DIS3L2: variants seen among roughly 807,000 people sequenced by gnomAD.
DIS3L2 encodes the protein DIS3-like exonuclease 2.
DIS3L2 carries 34 observed loss-of-function variants against 97.5 expected under a neutral mutation model. The observed-to-expected ratio is 0.35, with a 90% CI of 0.27 to 0.46. DIS3L2 has a LOEUF of 0.46. Ranked by LOEUF, DIS3L2 falls within the 20% of genes least tolerant of loss-of-function variation. The pLI, the probability that DIS3L2 is intolerant of heterozygous loss-of-function variation, is 1.00. For missense variants in DIS3L2, 1,038 were observed against 1,146.0 expected (o/e 0.91, Z 1.36); for synonymous variants, 435 against 445.2 (o/e 0.98, Z 0.29).
At chr2:232,273,263 T>G (rs917543773) in intron 13 of DIS3L2, among the ~76,000 whole-genome samples, 2 of 152,210 alleles carry the variant, frequency 1.3e-5, no homozygotes, top group Non-Finnish European at 2.9e-5. Context: ...TTTGCTTCCC[T>G]GTCTCCTTTT....
intron 16 of DIS3L2, among the ~76,000 whole-genome samples, chr2:232,332,602 A>G (rs1399649312): frequency 1.3e-5 from 2 of 151,914 alleles, no homozygotes; most frequent in East Asian, 3.9e-4. Flanking sequence ...GGGACGGGCT[A>G]TGCGCTGGTC....
At chr2:232,060,710 T>C (rs1440144093) in intron 5 of DIS3L2, among the ~76,000 whole-genome samples, 1 of 152,150 alleles carries the variant, frequency 6.6e-6, no homozygotes, top group East Asian at 1.9e-4. Context: ...TGGTATTTTG[T>C]TAGGTATTGC....
chr2:232,312,209 A>C (rs945560822), intron 14 of DIS3L2, among the ~76,000 whole-genome samples: 1 of 152,122 alleles, frequency 6.6e-6, no homozygotes, highest in African/African-American at 2.4e-5. Context: ...CAGTATGTCG[A>C]TCTTTTTTAT....
intron 12 of DIS3L2, among the ~76,000 whole-genome samples, chr2:232,254,290 T>C (rs1693496465): frequency 6.6e-6 from 1 of 151,954 alleles, no homozygotes. Flanking sequence ...TTTTAAGAGT[T>C]AAGAGGCAAA....
rs913232223 is a variant in DIS3L2 at position 232,093,561 on chromosome 2, T to G, written c.601+5840T>G. Among the ~76,000 whole-genome samples the G allele has an allele frequency of 2.0e-5, 3 of 152,152 alleles. No homozygotes were observed. In the East Asian group the frequency reaches 5.8e-4, roughly 29 times the overall value. ...AGACTTTTTATTACAGCTTCAATCT[T>G]GTTATTTGTTACTGGTCTGTTCAGG... On this transcript the variant is annotated intron_variant, in intron 6 of 20. Coordinates refer to ENST00000325385, the MANE Select transcript of DIS3L2 (RefSeq NM_152383.5).
At chr2:231,979,316 A>G (rs1693184496) in intron 1 of DIS3L2, among the ~76,000 whole-genome samples, 1 of 151,946 alleles carries the variant, frequency 6.6e-6, no homozygotes, top group Non-Finnish European at 1.5e-5. Flanking sequence ...GTGTAGTAGC[A>G]TGATCTCAGC....
At chr2:232,320,242 A>T (rs1371044765) in intron 14 of DIS3L2, among the ~76,000 whole-genome samples, 1 of 152,196 alleles carries the variant, frequency 6.6e-6, no homozygotes, top group African/African-American at 2.4e-5. Flanking sequence ...ACTGTGTGTC[A>T]ATATTTTAAA....
rs1277796466 is a variant in DIS3L2, at chr2:232,329,816, C to T, written c.1743C>T (p.Leu581=). Residue 581 remains leucine (L), a synonymous_variant, in exon 15 of 21, where the codon CTC becomes CTT. Transcript: ENST00000325385. ...HIYEYRESNK[L]VEEFMLLANM... is the part of the protein sequence containing the mutation. ...CCATCCCACCCACCCTCTGCAGGCTCGTGGAGGAGTTCATGCTCTTGGCCA... is the reference window on the plus strand; with the variant it reads ...CCATCCCACCCACCCTCTGCAGGCTTGTGGAGGAGTTCATGCTCTTGGCCA... 7.5e-6 allele frequency: 10 copies of T among 1,324,930 alleles called. No homozygotes were observed. The South Asian group carries it at 9.8e-5, about 13-fold the overall frequency. 82.1% of individuals were successfully genotyped at this position (1,324,930 alleles called of 1,614,324 possible).
intron 4 of DIS3L2, among the ~76,000 whole-genome samples, chr2:232,028,396 G>A (rs571421976): frequency 3.3e-5 from 5 of 152,186 alleles, no homozygotes; most frequent in Non-Finnish European, 7.4e-5. Context: ...GAGATTCAGC[G>A]ACAGATCAGT....
chr2:232,334,658 A>T lies in DIS3L2; in HGVS notation c.2317A>T (p.Met773Leu). The change falls in exon 19 of 21, where the codon ATG becomes TTG. Residue 773 changes from methionine to leucine, a missense_variant. Coordinates refer to ENST00000325385, the MANE Select transcript of DIS3L2 (RefSeq NM_152383.5). Reference sequence around the variant, plus strand: ...GAGTGGCCCCCTGGAGTCAGAAGCCATGGTGATGGGCATCCTGAAGCAAGC... The same window carrying T: ...GAGTGGCCCCCTGGAGTCAGAAGCCTTGGTGATGGGCATCCTGAAGCAAGC... ...KESGPLESEA[M>L]VMGILKQAFD... 6.2e-7 allele frequency: 1 copy of T among 1,610,124 alleles called. No individual in the cohort carries two copies. Among genetic ancestry groups the T allele is most frequent in the Non-Finnish European group, 8.5e-7 (1 of 1,178,520 alleles).
intron 13 of DIS3L2, among the ~76,000 whole-genome samples, chr2:232,291,611 T>C (rs1694600040): frequency 6.6e-6 from 1 of 152,242 alleles, no homozygotes; most frequent in Non-Finnish European, 1.5e-5. Context: ...GGAGAACCCA[T>C]GTTGGTTTGA....
chr2:232,055,696 G>C (rs970500272), intron 5 of DIS3L2, among the ~76,000 whole-genome samples: 7 of 152,192 alleles, frequency 4.6e-5, no homozygotes, highest in Admixed American at 2.0e-4. Flanking sequence ...CAAAGCTGGA[G>C]TTCTTAAACT....
rs1695986164 is a variant in DIS3L2, at chr2:232,337,137, A to AGAT, written c.*511_*513dup. Reference sequence around the variant, plus strand: ...CACGATTCAGAGCTGGCTGCCTGGCAGATGATTGATACTGGAGTCTCATTC... The same window carrying AGAT: ...CACGATTCAGAGCTGGCTGCCTGGCAGATGATGATTGATACTGGAGTCTCATTC... On this transcript the variant is annotated 3_prime_UTR_variant, in exon 21 of 21. Transcript: ENST00000325385. 3.0e-6 allele frequency: 3 copies of AGAT among 1,010,116 alleles called. No individual in the cohort carries two copies. Among genetic ancestry groups the AGAT allele is most frequent in the Non-Finnish European group, 3.5e-6 (3 of 847,302 alleles). The allele number at this position is 1,010,116 out of a possible 1,614,324, so 62.6% of individuals were successfully genotyped here. A position where few individuals can be genotyped will look rare whatever the true frequency, so the allele number is the denominator to read the frequency against.
At chr2:231,982,070 A>C (rs1293659640) in intron 1 of DIS3L2, among the ~76,000 whole-genome samples, 1 of 151,844 alleles carries the variant, frequency 6.6e-6, no homozygotes, top group African/African-American at 2.4e-5. Flanking sequence ...GTTGGTGATA[A>C]ATTTTGTCAT....
At chr2:232,062,583 A>G (rs1262557244) in intron 5 of DIS3L2, among the ~76,000 whole-genome samples, 3 of 152,082 alleles carry the variant, frequency 2.0e-5, no homozygotes, top group Non-Finnish European at 4.4e-5. Context: ...TTCTTTGAAC[A>G]CTTGTTTATT....
chr2:232,097,454 A>C (rs940901784), intron 6 of DIS3L2, among the ~76,000 whole-genome samples: 5 of 152,132 alleles, frequency 3.3e-5, no homozygotes, highest in Non-Finnish European at 7.4e-5. Context: ...TTCAAACCAC[A>C]GGATGCAGTC....
In DIS3L2 at chr2:232,115,746, T is replaced by C. The variant is rs1697687496; in HGVS notation, c.602-14873T>C. On this transcript the variant is annotated intron_variant, in intron 6 of 20. Transcript: ENST00000325385. Reference sequence around the variant, plus strand: ...CTCTCCTGCTGCCTTGTGAAGAAGTTTTGCCTTCCACTGTGATTGTAAGTT... The same window carrying C: ...CTCTCCTGCTGCCTTGTGAAGAAGTCTTGCCTTCCACTGTGATTGTAAGTT... 2.0e-5 allele frequency among the ~76,000 whole-genome samples: 3 copies of C among 152,166 alleles called. 1 individual carries two copies. The South Asian group carries it at 6.2e-4, about 32-fold the overall frequency.
intron 6 of DIS3L2, among the ~76,000 whole-genome samples, chr2:232,129,012 C>T (rs1698147968): frequency 6.6e-6 from 1 of 152,154 alleles, no homozygotes; most frequent in African/African-American, 2.4e-5. Context: ...CATGATTGGG[C>T]CCACTTCTAT....
At chr2:232,158,313 G>GTGTT (rs1559686864) in intron 8 of DIS3L2, among the ~76,000 whole-genome samples, 1 of 141,444 alleles carries the variant, frequency 7.1e-6, no homozygotes, top group African/African-American at 2.7e-5. Context: ...TATCGTGTGT[G>GTGTT]TGTGTGTGTG....
Sources: allele counts gnomAD v4.1 joint callset (sites outside exome capture counted in the v4.1 genomes callset), GRCh38; gene constraint gnomAD v4.1.1; transcripts MANE v1.5; gene names NCBI Gene and HGNC (gene_info 2026-07-23, HGNC 2026-07-21).